The following SENP1 variants were observed in gnomAD, a reference collection of about 807,000 sequenced individuals.
SENP1 encodes SUMO specific peptidase 1, also known as sentrin-specific protease 1.
Under a neutral mutation model 93.0 loss-of-function variants are expected in SENP1, and 21 were observed. The ratio of observed to expected loss-of-function variants is 0.23; its 90% CI spans 0.16 to 0.33. The LOEUF (loss-of-function observed/expected upper bound fraction) is 0.33, where lower values mean the gene tolerates loss of function less well. SENP1 is among the 10% of genes least tolerant of loss of function. The pLI, the probability that SENP1 is intolerant of heterozygous loss-of-function variation, is 1.00. For synonymous variants in SENP1, 256 were observed against 259.6 expected (o/e 0.99, Z 0.13); for missense variants, 591 against 758.7 (o/e 0.78, Z 2.60).
intron 6 of SENP1, among the ~76,000 whole-genome samples, chr12:48,078,338 C>CAT (rs1944272740): frequency 3.7e-5 from 1 of 26,826 alleles, no homozygotes; most frequent in African/African-American, 8.6e-5. Flanking sequence ...TATATATACA[C>CAT]ACACATATAT....
chr12:48,087,498 T>TA (rs1944961075), intron 5 of SENP1, among the ~76,000 whole-genome samples: 1 of 152,198 alleles, frequency 6.6e-6, no homozygotes, highest in Admixed American at 6.5e-5. Context: ...ATCATACATT[T>TA]AATAGTATAC....
rs374804144 is a variant in SENP1 at position 48,093,280 on chromosome 12, G to GTTT, written c.220+3060_220+3062dup. 4.8e-4 allele frequency among the ~76,000 whole-genome samples: 61 copies of GTTT among 126,486 alleles called. 1 individual carries two copies. The East Asian group carries it at 7.3e-3, about 15-fold the overall frequency. 83.0% of individuals were successfully genotyped at this position (126,486 alleles called of 152,430 possible). A position where few individuals can be genotyped will look rare whatever the true frequency, so the allele number is the denominator to read the frequency against. On this transcript the variant is annotated intron_variant, in intron 4 of 17. Coordinates refer to ENST00000549518, the MANE Select transcript of SENP1 (RefSeq NM_001267594.2). Reference sequence around the variant, plus strand: ...TTGCCAAGGAATGAATTCAGGTGAGGTTTTTTTTTTTTTTTTTTTTGGAAA... The same window carrying GTTT: ...TTGCCAAGGAATGAATTCAGGTGAGGTTTTTTTTTTTTTTTTTTTTTTTGGAAA...
At chr12:48,097,007 G>A (rs1251767284) in intron 3 of SENP1, among the ~76,000 whole-genome samples, 5 of 151,730 alleles carry the variant, frequency 3.3e-5, no homozygotes, top group African/African-American at 1.2e-4. Context: ...TATATTATAC[G>A]TATTAATACT....
intron 4 of SENP1, among the ~76,000 whole-genome samples, chr12:48,095,520 A>T (rs1473434457): frequency 7.3e-6 from 1 of 137,368 alleles, no homozygotes; most frequent in Non-Finnish European, 1.5e-5. Context: ...TGGGCAACAC[A>T]GGGAGACTCT....
chr12:48,077,792 T>G (rs78671671), intron 6 of SENP1, among the ~76,000 whole-genome samples: 4,366 of 152,210 alleles, frequency 0.029, 212 homozygotes, highest in African/African-American at 0.097. Context: ...TCCGTTTCAT[T>G]GGCTGATGTC....
chr12:48,084,647 C>T (rs1319140744), intron 5 of SENP1, among the ~76,000 whole-genome samples: 1 of 152,016 alleles, frequency 6.6e-6, no homozygotes, highest in East Asian at 1.9e-4. Flanking sequence ...AGGGTTTCAC[C>T]ATGTTAGCTA....
chr12:48,093,911 G>A (rs1373496328), intron 4 of SENP1, among the ~76,000 whole-genome samples: 1 of 151,968 alleles, frequency 6.6e-6, no homozygotes, highest in Admixed American at 6.6e-5. Flanking sequence ...GCAGTGAGCT[G>A]TCATTGTGCC....
At chr12:48,080,451 G>A (rs1944423717) in intron 6 of SENP1, 1 of 152,280 alleles carries the variant, frequency 6.6e-6, no homozygotes, top group Admixed American at 6.5e-5. Flanking sequence ...ACTGAGCAGT[G>A]CAGTGGTGAC....
chr12:48,071,707 T>A lies in SENP1; in HGVS notation c.955A>T (p.Ile319Phe). ...NTQSEGSDSV[I>F]LLKVKDSQTP... is the part of the protein sequence containing the mutation. ...TGGGAATCTTTCACTTTCAGTAAAA[T>A]CACAGAGTCTGATCCTAAAGAAACA... Residue 319 changes from isoleucine to phenylalanine, a missense_variant, in exon 9 of 18, where the codon ATT (isoleucine) becomes TTT (phenylalanine). Around this residue, in one of 4 missense-constraint regions of SENP1, gnomAD observed 238 missense variants for 259.1 expected, o/e 0.92. Transcript: ENST00000549518. 7 of 1,608,254 alleles carry A rather than the reference T, an allele frequency of 4.4e-6. No homozygotes were observed. The highest frequency in any genetic ancestry group is 6.0e-6 in the Non-Finnish European group (7 of 1,175,330).
At chr12:48,093,407 C>T (rs1945342374) in intron 4 of SENP1, among the ~76,000 whole-genome samples, 1 of 151,648 alleles carries the variant, frequency 6.6e-6, no homozygotes, top group Non-Finnish European at 1.5e-5. Flanking sequence ...CCTCAGCTTC[C>T]CAAGTAGCTG....
At chr12:48,072,729 T>C (rs1320885874) in intron 8 of SENP1, among the ~76,000 whole-genome samples, 2 of 152,230 alleles carry the variant, frequency 1.3e-5, no homozygotes, top group Non-Finnish European at 2.9e-5. Context: ...CAGTATATTG[T>C]TATAATTTTT....
intron 13 of SENP1, among the ~76,000 whole-genome samples, chr12:48,056,326 AAATATTATTTAATATATTACATAT>A (rs780979916): frequency 0.18 from 16,912 of 94,772 alleles, 2,155 homozygotes; most frequent in East Asian, 0.4. Context: ...TCACATATAT[AAATATTATTTAATATATTACATAT>A]AATATATTAT....
chr12:48,083,555 T>C (rs1238066180), intron 6 of SENP1, 36 bp downstream of exon 6: 3 of 1,586,786 alleles, frequency 1.9e-6, no homozygotes, highest in Admixed American at 1.7e-5. Context: ...GGAAAGATCC[T>C]AACTTTTAGT....
At chr12:48,049,211 A>G in intron 13 of SENP1, 79 bp from the exon 14 acceptor site, 1 of 1,006,852 alleles carries the variant, frequency 9.9e-7, no homozygotes, top group East Asian at 2.4e-5. Flanking sequence ...TGTGTTGAAT[A>G]GCATATGTAA....
In SENP1 at chr12:48,096,393, G is replaced by T. The variant is rs988272538; in HGVS notation, c.170C>A (p.Ser57Tyr). ...TGCACTTCTTGTGGAACATGTAAAAGATCGGTCCAAATGTCCTTGCCTGGA... is the reference window on the plus strand; with the variant it reads ...TGCACTTCTTGTGGAACATGTAAAATATCGGTCCAAATGTCCTTGCCTGGA... ...LSSRQGHLDR[S>Y]FTCSTRSAAY... The change falls in exon 4 of 18, where the codon TCT (serine) becomes TAT (tyrosine). Residue 57 changes from serine (S) to tyrosine (Y), a missense_variant. Transcript: ENST00000549518. 9.3e-6 allele frequency: 15 copies of T among 1,610,576 alleles called. No homozygotes were observed. The highest frequency in any genetic ancestry group is 1.2e-5 in the Non-Finnish European group (14 of 1,177,218).
At position 48,048,934 on chromosome 12, in the gene SENP1, G is replaced by C; in HGVS notation, c.1606C>G (p.Leu536Val). 6.2e-7 allele frequency: 1 copy of C among 1,609,774 alleles called. No homozygotes were observed. Among genetic ancestry groups the C allele is most frequent in the South Asian group, 1.1e-5 (1 of 90,980 alleles). The change falls in exon 14 of 18, where the codon CTA becomes GTA. Residue 536 changes from leucine to valine, a missense_variant. Leu to Val is a conservative substitution (Grantham distance 32). This residue lies in a region of SENP1 where 132 missense variants were observed against 230.1 expected (regional missense o/e 0.57). Coordinates refer to ENST00000549518, the MANE Select transcript of SENP1 (RefSeq NM_001267594.2). ...VPIHLGVHWCLAVVDFRKKNI... is the reference protein window; with the variant it reads ...VPIHLGVHWCVAVVDFRKKNI... ...AAAATGAAAGGGGTACTCACAGCTA[G>C]ACACCAGTGTACTCCCAGGTGAATG...
At chr12:48,067,358 A>T (rs1943373980) in intron 9 of SENP1, among the ~76,000 whole-genome samples, 1 of 152,216 alleles carries the variant, frequency 6.6e-6, no homozygotes. Flanking sequence ...AAAAATCCCC[A>T]CACACAAAAT....
At chr12:48,054,626 C>T (rs1185322884) in intron 13 of SENP1, among the ~76,000 whole-genome samples, 1 of 152,038 alleles carries the variant, frequency 6.6e-6, no homozygotes, top group East Asian at 1.9e-4. Flanking sequence ...CCCATCTCTA[C>T]TAAAAATAGA....
chr12:48,076,666 C>T (rs924482758), intron 6 of SENP1, among the ~76,000 whole-genome samples: 3 of 147,732 alleles, frequency 2.0e-5, no homozygotes, highest in South Asian at 2.2e-4. Context: ...TTTTTTGAGA[C>T]GGAGTCTCAC....
Sources: gnomAD v4.1 joint callset for allele counts (sites outside exome capture counted in the v4.1 genomes callset) on GRCh38, gnomAD v4.1.1 for gene constraint, gnomAD v4.1.1 regional missense constraint, MANE v1.5 for transcripts, NCBI Gene and HGNC (gene_info 2026-07-23, HGNC 2026-07-21) for gene names.